The following ZKSCAN7 variants were observed in gnomAD, a reference collection of about 807,000 sequenced individuals.
ZKSCAN7 encodes zinc finger with KRAB and SCAN domains 7.
ZKSCAN7 carries 38 observed loss-of-function variants against 65.3 expected under a neutral mutation model. The observed-to-expected ratio is 0.58, with a 90% CI of 0.45 to 0.76. The LOEUF (loss-of-function observed/expected upper bound fraction) is 0.76. Ranked by LOEUF, ZKSCAN7 falls within the 30% of genes least tolerant of loss-of-function variation. The pLI is 0.00. For synonymous variants in ZKSCAN7, 321 were observed against 321.0 expected (o/e 1.00, Z 0.00); for missense variants, 815 against 913.3 (o/e 0.89, Z 1.39).
chr3:44,578,177 A>G (rs1013480598), intron 5 of ZKSCAN7: 1 of 1,520,692 alleles, frequency 6.6e-7, no homozygotes, highest in Non-Finnish European at 9.1e-7. Context: ...AGTCAGCCTT[A>G]GCCTTTGCGA....
chr3:44,566,761 C>T (rs1699643485), intron 3 of ZKSCAN7, among the ~76,000 whole-genome samples: 1 of 151,860 alleles, frequency 6.6e-6, no homozygotes, highest in South Asian at 2.1e-4. Context: ...CCACCATGGC[C>T]TCTTAGAACT....
At chr3:44,555,582 AC>A (rs1699266962) in intron 1 of ZKSCAN7, 101 bp downstream of exon 1, 1 of 152,248 alleles carries the variant, frequency 6.6e-6, no homozygotes, top group Non-Finnish European at 1.5e-5. Context: ...TTTGGGTCAG[AC>A]CCAGGCTCAG....
chr3:44,567,554 G>A (rs1699672726), intron 3 of ZKSCAN7, among the ~76,000 whole-genome samples: 1 of 152,192 alleles, frequency 6.6e-6, no homozygotes, highest in South Asian at 2.1e-4. Context: ...GTTGCAAGGA[G>A]TGTCCATAAT....
intron 3 of ZKSCAN7, 101 bp downstream of exon 3, chr3:44,565,756 A>G: frequency 8.2e-7 from 1 of 1,223,038 alleles, no homozygotes; most frequent in Non-Finnish European, 1.1e-6. Context: ...GGAATCCCTC[A>G]TTGCTCTGCT....
At chr3:44,577,814 C>T (rs545285235) in intron 5 of ZKSCAN7, among the ~76,000 whole-genome samples, 4 of 152,320 alleles carry the variant, frequency 2.6e-5, no homozygotes, top group South Asian at 4.1e-4. Context: ...CCACAGTTAA[C>T]GATGACAACA....
chr3:44,580,528 G>A (rs1203317801), intron 5 of ZKSCAN7: 3 of 1,612,900 alleles, frequency 1.9e-6, no homozygotes, highest in African/African-American at 2.7e-5. Flanking sequence ...GGCTCCTGCG[G>A]TGTGGGGGGC....
intron 2 of ZKSCAN7, among the ~76,000 whole-genome samples, chr3:44,563,933 T>C (rs558951911): frequency 6.6e-6 from 1 of 152,326 alleles, no homozygotes; most frequent in East Asian, 1.9e-4. Context: ...GCTTGGGAAC[T>C]ACAGAATCCA....
downstream of ZKSCAN7, among the ~76,000 whole-genome samples, chr3:44,572,994 A>G (rs6771411): frequency 2.0e-5 from 3 of 151,966 alleles, no homozygotes; most frequent in African/African-American, 4.8e-5. Flanking sequence ...TTGTGGCAAG[A>G]TAATAGATTC....
At chr3:44,574,167 A>G (rs114504204), downstream of ZKSCAN7, among the ~76,000 whole-genome samples, 441 of 152,188 alleles carry the variant, frequency 2.9e-3, 2 homozygotes, top group African/African-American at 9.9e-3. Context: ...GCTGGAGTAC[A>G]GTGATGTGAT....
chr3:44,557,038 T>C lies in ZKSCAN7; in HGVS notation c.-10T>C, dbSNP rs1559421128. 1 of 1,614,070 alleles carries C rather than the reference T, an allele frequency of 6.2e-7. No homozygotes were observed. Among genetic ancestry groups the C allele is most frequent in the Non-Finnish European group, 8.5e-7 (1 of 1,179,994 alleles). ...ACTGCAGCTGTAACAAGCTTCTCTT[T>C]GGGGTCACAATGACCACTGCAGGCA... On this transcript the variant is annotated 5_prime_UTR_variant, in exon 2 of 6. Transcript: ENST00000426540.
intron 5 of ZKSCAN7, chr3:44,581,136 C>G: frequency 1.0e-6 from 1 of 966,864 alleles, no homozygotes. Context: ...GCCACAGGCC[C>G]TGACCGGCCT....
In ZKSCAN7 at chr3:44,568,590, T is replaced by C. The variant is rs1699702643; in HGVS notation, c.811+157T>C. 9 of 1,028,724 alleles carry C rather than the reference T, an allele frequency of 8.7e-6. No homozygotes were observed. In the South Asian group the frequency reaches 1.6e-4, roughly 18 times the overall value. The allele number at this position is 1,028,724 out of a possible 1,614,324, so 63.7% of individuals were successfully genotyped here. ...CCCTTTCTGCATTCATCACTGAGAT[T>C]CAACAGTGATCAGCATACTCTTCAC... On this transcript the variant is annotated intron_variant, in intron 5 of 5. Coordinates refer to ENST00000426540, the MANE Select transcript of ZKSCAN7 (RefSeq NM_001288590.2).
At chr3:44,578,416 G>A in intron 5 of ZKSCAN7, 1 of 1,614,098 alleles carries the variant, frequency 6.2e-7, no homozygotes, top group Non-Finnish European at 8.5e-7. Context: ...GCAACCGTGT[G>A]ATCTCTGCAG....
At chr3:44,564,412 C>T (rs2125715355) in intron 2 of ZKSCAN7, among the ~76,000 whole-genome samples, 1 of 152,252 alleles carries the variant, frequency 6.6e-6, no homozygotes, top group South Asian at 2.1e-4. Context: ...AATTGAACAC[C>T]ATTGTAGGGC....
chr3:44,565,751 C>T, intron 3 of ZKSCAN7, 96 bp downstream of exon 3: 1 of 1,258,916 alleles, frequency 7.9e-7, no homozygotes, highest in Non-Finnish European at 1.1e-6. Context: ...TCCATGGAAT[C>T]CCTCATTGCT....
chr3:44,577,690 C>T (rs557497740), intron 5 of ZKSCAN7, among the ~76,000 whole-genome samples: 1 of 152,192 alleles, frequency 6.6e-6, no homozygotes, highest in Non-Finnish European at 1.5e-5. Context: ...CCAGCCCCCA[C>T]TGCTGGCCTA....
chr3:44,556,979 A>C lies in ZKSCAN7; in HGVS notation c.-69A>C. On this transcript the variant is annotated 5_prime_UTR_variant, in exon 2 of 6. Transcript: ENST00000426540. ...CCAACCCTGAAAAACAGTTCCTGAG[A>C]CCTGAACTATTGACCATCATTTTAA... is the stretch of plus-strand genomic sequence containing the variant. 1 of 1,599,176 alleles carries C rather than the reference A, an allele frequency of 6.3e-7. No homozygotes were observed. The highest frequency in any genetic ancestry group is 8.5e-7 in the Non-Finnish European group (1 of 1,170,664).
intron 5 of ZKSCAN7, among the ~76,000 whole-genome samples, chr3:44,578,749 G>A (rs552194461): frequency 4.6e-5 from 7 of 152,308 alleles, no homozygotes; most frequent in South Asian, 2.1e-4. Flanking sequence ...CTGTCTCCTC[G>A]GCTAGGAGTC....
chr3:44,578,236 G>A, intron 5 of ZKSCAN7: 1 of 1,545,710 alleles, frequency 6.5e-7, no homozygotes. Flanking sequence ...CGTACTTCTT[G>A]TCCCACAGTG....
Sources: allele counts gnomAD v4.1 joint callset (sites outside exome capture counted in the v4.1 genomes callset), GRCh38; gene constraint gnomAD v4.1.1; transcripts MANE v1.5; gene names NCBI Gene and HGNC (gene_info 2026-07-23, HGNC 2026-07-21).